The following CPQ variants were observed in gnomAD, a reference collection of about 807,000 sequenced individuals.
CPQ encodes carboxypeptidase Q, also known as Ser-Met dipeptidase.
Under a neutral mutation model 45.7 loss-of-function variants are expected in CPQ, and 37 were observed. That is an observed-to-expected ratio of 0.81 (90% CI 0.62 to 1.07). CPQ has a LOEUF of 1.07. Among genes scored for constraint, CPQ ranks in the 50% least tolerant of loss-of-function variants. The pLI is 0.00. For missense variants in CPQ, 537 were observed against 572.9 expected (o/e 0.94, Z 0.64); for synonymous variants, 186 against 205.8 (o/e 0.90, Z 0.82).
intron 7 of CPQ, among the ~76,000 whole-genome samples, chr8:97,077,098 G>A (rs1341853679): frequency 6.6e-6 from 1 of 152,172 alleles, no homozygotes; most frequent in African/African-American, 2.4e-5. Flanking sequence ...TTTACAAGAT[G>A]AATTTTCTGA....
At chr8:96,736,392 A>G (rs1809982926) in intron 1 of CPQ, among the ~76,000 whole-genome samples, 1 of 152,136 alleles carries the variant, frequency 6.6e-6, no homozygotes, top group Non-Finnish European at 1.5e-5. Flanking sequence ...TGCTTATGTT[A>G]TGATTCTACT....
intron 5 of CPQ, among the ~76,000 whole-genome samples, chr8:97,006,254 T>G (rs980385857): frequency 1.3e-5 from 2 of 152,138 alleles, no homozygotes; most frequent in African/African-American, 4.8e-5. Context: ...AATAGAGGTG[T>G]GATTGAGATG....
intron 6 of CPQ, among the ~76,000 whole-genome samples, chr8:97,054,572 C>G (rs1810420095): frequency 6.6e-6 from 1 of 152,108 alleles, no homozygotes; most frequent in Admixed American, 6.5e-5. Flanking sequence ...ACATACATAC[C>G]ACGGAATACC....
intron 4 of CPQ, among the ~76,000 whole-genome samples, chr8:96,893,887 G>C (rs1411868870): frequency 6.6e-6 from 1 of 152,108 alleles, no homozygotes; most frequent in African/African-American, 2.4e-5. Context: ...CTGTTTAAAA[G>C]GTGGAGCCGA....
chr8:97,085,237 A>C (rs1177376649), intron 7 of CPQ, among the ~76,000 whole-genome samples: 1 of 152,078 alleles, frequency 6.6e-6, no homozygotes, highest in Admixed American at 6.6e-5. Context: ...TTTAAAAATT[A>C]GCCAGGCGCA....
chr8:97,011,701 T>C (rs1387469475), intron 5 of CPQ, among the ~76,000 whole-genome samples: 1 of 152,224 alleles, frequency 6.6e-6, no homozygotes, highest in Non-Finnish European at 1.5e-5. Flanking sequence ...TTACTTGCTT[T>C]GCAGAATTAA....
intron 7 of CPQ, among the ~76,000 whole-genome samples, chr8:97,120,591 CT>C (rs1422045749): frequency 6.6e-6 from 1 of 152,182 alleles, no homozygotes; most frequent in Non-Finnish European, 1.5e-5. Flanking sequence ...TACACAAATG[CT>C]TTTTCACTGC....
intron 7 of CPQ, among the ~76,000 whole-genome samples, chr8:97,081,508 A>G (rs1001731431): frequency 1.3e-5 from 2 of 151,992 alleles, no homozygotes; most frequent in Non-Finnish European, 2.9e-5. Context: ...CTGGGGCCCC[A>G]CTCCCAGAGA....
intron 4 of CPQ, among the ~76,000 whole-genome samples, chr8:96,916,875 T>G (rs1212717475): frequency 2.0e-5 from 3 of 152,130 alleles, no homozygotes; most frequent in Non-Finnish European, 2.9e-5. Flanking sequence ...TTCAAAAGTT[T>G]AGACTGGGGT....
intron 7 of CPQ, among the ~76,000 whole-genome samples, chr8:97,113,213 C>T (rs1439502182): frequency 1.3e-5 from 2 of 152,040 alleles, no homozygotes; most frequent in Non-Finnish European, 2.9e-5. Context: ...GGTCCAGTGT[C>T]CCAGAAAGAC....
chr8:96,710,732 A>T (rs1471417694), intron 1 of CPQ, among the ~76,000 whole-genome samples: 1 of 152,162 alleles, frequency 6.6e-6, no homozygotes. Flanking sequence ...TTTCAGTTTT[A>T]AAAAACTTAA....
intron 4 of CPQ, among the ~76,000 whole-genome samples, chr8:96,960,224 G>A (rs529124424): frequency 3.0e-4 from 46 of 152,214 alleles, no homozygotes; most frequent in African/African-American, 1.1e-3. Flanking sequence ...TATGCTTCTG[G>A]ATTCAATTAT....
At chr8:96,683,625 A>G (rs767309892) in intron 1 of CPQ, among the ~76,000 whole-genome samples, 3 of 151,974 alleles carry the variant, frequency 2.0e-5, no homozygotes, top group African/African-American at 7.2e-5. Context: ...CTATGTTGTT[A>G]TCTATCTCTT....
intron 7 of CPQ, among the ~76,000 whole-genome samples, chr8:97,087,332 G>A (rs1458915690): frequency 6.6e-6 from 1 of 152,106 alleles, no homozygotes; most frequent in Non-Finnish European, 1.5e-5. Context: ...AAACCGAAGG[G>A]GAATCAATAC....
intron 6 of CPQ, among the ~76,000 whole-genome samples, chr8:97,044,209 C>A (rs982285220): frequency 1.3e-5 from 2 of 152,082 alleles, no homozygotes; most frequent in African/African-American, 4.8e-5. Context: ...CTCTAAAAAT[C>A]CCTTCTCGCT....
intron 5 of CPQ, among the ~76,000 whole-genome samples, chr8:97,014,159 T>C (rs986430153): frequency 8.5e-5 from 13 of 152,084 alleles, no homozygotes; most frequent in Admixed American, 7.9e-4. Flanking sequence ...TAGTTGGCGA[T>C]TGCAACAATT....
intron 1 of CPQ, among the ~76,000 whole-genome samples, chr8:96,685,709 T>C (rs2130733020): frequency 6.6e-6 from 1 of 152,244 alleles, no homozygotes; most frequent in Non-Finnish European, 1.5e-5. Context: ...TTATTCTTAT[T>C]TTTCCTGTGA....
chr8:97,060,390 G>A (rs1810529079), intron 6 of CPQ, among the ~76,000 whole-genome samples: 1 of 152,080 alleles, frequency 6.6e-6, no homozygotes, highest in African/African-American at 2.4e-5. Flanking sequence ...AGACAATTAT[G>A]AATCCTCAAC....
intron 2 of CPQ, among the ~76,000 whole-genome samples, chr8:96,790,273 G>T (rs1586401983): frequency 6.6e-6 from 1 of 152,136 alleles, no homozygotes; most frequent in Admixed American, 6.6e-5. Flanking sequence ...GCACCTCCCA[G>T]TGTCACCCAG....
Sources: allele counts gnomAD v4.1 joint callset (sites outside exome capture counted in the v4.1 genomes callset), GRCh38; gene constraint gnomAD v4.1.1; transcripts MANE v1.5; gene names NCBI Gene and HGNC (gene_info 2026-07-23, HGNC 2026-07-21).